FRMD4B: variants seen among roughly 807,000 people sequenced by gnomAD.
FRMD4B encodes the protein FERM domain-containing protein 4B.
Under a neutral mutation model 141.5 loss-of-function variants are expected in FRMD4B, and 74 were observed. The observed-to-expected ratio is 0.52, with a 90% confidence interval of 0.43 to 0.63. FRMD4B has a LOEUF of 0.63. Ranked by LOEUF, FRMD4B falls within the 30% of genes least tolerant of loss-of-function variation. The pLI is 0.00. For missense variants in FRMD4B, 1,366 were observed against 1,253.4 expected (o/e 1.09, Z -1.36); for synonymous variants, 506 against 467.9 (o/e 1.08, Z -1.05).
intron 5 of FRMD4B, among the ~76,000 whole-genome samples, chr3:69,278,070 G>T (rs2093626740): frequency 6.6e-6 from 1 of 151,758 alleles, no homozygotes; most frequent in African/African-American, 2.4e-5. Context: ...TGGCCAGGCT[G>T]GTCTCGAACT....
chr3:69,328,257 A>G (rs1559808090), intron 1 of FRMD4B, among the ~76,000 whole-genome samples: 1 of 152,248 alleles, frequency 6.6e-6, no homozygotes, highest in Non-Finnish European at 1.5e-5. Flanking sequence ...TTGTTTTACT[A>G]CATTTACTAT....
At chr3:69,400,225 CAA>C (rs201312818) in intron 2 of FRMD4B, among the ~76,000 whole-genome samples, 15 of 141,166 alleles carry the variant, frequency 1.1e-4, no homozygotes, top group African/African-American at 3.3e-4. Flanking sequence ...GTCTTCACCC[CAA>C]AAAAAAAAAA....
intron 1 of FRMD4B, chr3:69,336,661 G>C (rs1702561277): frequency 6.6e-6 from 1 of 152,408 alleles, no homozygotes; most frequent in Admixed American, 6.6e-5. Flanking sequence ...TACCCACAAT[G>C]GCTTGGCTGG....
At chr3:69,271,046 T>A (rs2093592207) in intron 5 of FRMD4B, among the ~76,000 whole-genome samples, 2 of 152,226 alleles carry the variant, frequency 1.3e-5, no homozygotes, top group African/African-American at 4.8e-5. Flanking sequence ...GCATTTATCG[T>A]AGTATTTTTA....
At position 69,171,581 on chromosome 3, in the gene FRMD4B, T is replaced by C. The variant is rs1221055980; in HGVS notation, c.*280A>G. 2.8e-5 allele frequency: 8 copies of C among 282,276 alleles called. No individual in the cohort carries two copies. Among genetic ancestry groups the C allele is most frequent in the Non-Finnish European group, 5.3e-5 (8 of 150,236 alleles). 17.5% of individuals were successfully genotyped at this position (282,276 alleles called of 1,614,324 possible). A position where few individuals can be genotyped will look rare whatever the true frequency, so the allele number is the denominator to read the frequency against. On this transcript the variant is annotated 3_prime_UTR_variant, in exon 23 of 23. Transcript: ENST00000398540. ...TCCCTTAAAAAGTGCTTGCTATTGA[T>C]GAAGGCTTCACACTGAGTCCTCTCT... is the stretch of plus-strand genomic sequence containing the variant.
At chr3:69,437,250 T>A (rs1330487565) in intron 1 of FRMD4B, among the ~76,000 whole-genome samples, 1 of 151,820 alleles carries the variant, frequency 6.6e-6, no homozygotes, top group Non-Finnish European at 1.5e-5. Flanking sequence ...TTAAAAAAAA[T>A]TTATAGAGAT....
At chr3:69,343,015 C>T (rs2107385910) in intron 1 of FRMD4B, among the ~76,000 whole-genome samples, 1 of 152,026 alleles carries the variant, frequency 6.6e-6, no homozygotes. Flanking sequence ...AGTAGTAGCA[C>T]AATCCATAGC....
intron 5 of FRMD4B, among the ~76,000 whole-genome samples, chr3:69,274,693 A>G (rs2093610138): frequency 6.6e-6 from 1 of 151,796 alleles, no homozygotes; most frequent in Non-Finnish European, 1.5e-5. Context: ...TAATTTTTGT[A>G]TTTTTAGTAG....
intron 5 of FRMD4B, among the ~76,000 whole-genome samples, chr3:69,265,716 T>G (rs2093558323): frequency 6.6e-6 from 1 of 151,938 alleles, no homozygotes; most frequent in Non-Finnish European, 1.5e-5. Context: ...TAGAGTGCTG[T>G]GATTACAGGC....
intron 1 of FRMD4B, among the ~76,000 whole-genome samples, chr3:69,458,774 T>C (rs1410714170): frequency 6.6e-6 from 1 of 151,274 alleles, no homozygotes; most frequent in Admixed American, 6.6e-5. Context: ...GATTCTACTC[T>C]TATTACCTGG....
intron 7 of FRMD4B, among the ~76,000 whole-genome samples, chr3:69,248,906 GTTT>G: frequency 1.3e-5 from 2 of 151,802 alleles, no homozygotes; most frequent in South Asian, 4.2e-4. Context: ...TTATTGTAAG[GTTT>G]TTTTTTATCA....
At chr3:69,476,760 T>C (rs943451895) in intron 1 of FRMD4B, among the ~76,000 whole-genome samples, 6 of 152,206 alleles carry the variant, frequency 3.9e-5, no homozygotes, top group Admixed American at 2.0e-4. Flanking sequence ...GGTAGCTTGA[T>C]GGGGATGGCT....
intron 1 of FRMD4B, among the ~76,000 whole-genome samples, chr3:69,519,744 G>A (rs1436760244): frequency 1.3e-5 from 2 of 151,752 alleles, no homozygotes; most frequent in East Asian, 1.9e-4. Flanking sequence ...CCCATCACCC[G>A]AGCAGTGTAC....
At chr3:69,235,574 G>A (rs952695022) in intron 7 of FRMD4B, among the ~76,000 whole-genome samples, 9 of 151,788 alleles carry the variant, frequency 5.9e-5, no homozygotes, top group South Asian at 2.1e-4. Flanking sequence ...CAGAAGAATC[G>A]CTTGAGCCTG....
At chr3:69,494,612 C>G (rs751607890) in intron 1 of FRMD4B, among the ~76,000 whole-genome samples, 10 of 152,168 alleles carry the variant, frequency 6.6e-5, no homozygotes, top group Non-Finnish European at 2.9e-5. Context: ...AAACAATCAG[C>G]TGGGTGCGGT....
At chr3:69,379,999 A>T (rs75179754) in intron 1 of FRMD4B, among the ~76,000 whole-genome samples, 1,901 of 152,368 alleles carry the variant, frequency 0.012, 35 homozygotes, top group African/African-American at 0.041. Flanking sequence ...AGCAAACTGT[A>T]TACAGTATGA....
At chr3:69,182,750 A>T in intron 19 of FRMD4B, 33 bp from the exon 20 acceptor site, 1 of 1,606,270 alleles carries the variant, frequency 6.2e-7, no homozygotes, top group Non-Finnish European at 8.5e-7. Context: ...TCAGGAAATG[A>T]TGAGTCTCTC....
At chr3:69,250,961 G>A (rs1424700072) in intron 5 of FRMD4B, among the ~76,000 whole-genome samples, 1 of 151,988 alleles carries the variant, frequency 6.6e-6, no homozygotes, top group Non-Finnish European at 1.5e-5. Context: ...GACCAGTAGG[G>A]ATGCATAGAT....
intron 5 of FRMD4B, among the ~76,000 whole-genome samples, chr3:69,275,944 C>G (rs1300517764): frequency 2.0e-5 from 3 of 152,088 alleles, no homozygotes; most frequent in Non-Finnish European, 1.5e-5. Flanking sequence ...GAGTACATTT[C>G]ATATACATAA....
Sources: gnomAD v4.1 joint callset for allele counts (sites outside exome capture counted in the v4.1 genomes callset) on GRCh38, gnomAD v4.1.1 for gene constraint, MANE v1.5 for transcripts, NCBI Gene and HGNC (gene_info 2026-07-23, HGNC 2026-07-21) for gene names.